NELL1: variants seen among roughly 807,000 people sequenced by gnomAD.
The protein encoded by NELL1 is protein kinase C-binding protein NELL1.
In NELL1, 76 loss-of-function variants were observed where a neutral mutation model predicts 107.4. That is an observed-to-expected ratio of 0.71 (90% CI 0.59 to 0.86). The LOEUF is 0.86. Ranked by LOEUF, NELL1 falls within the 40% of genes least tolerant of loss-of-function variation. The pLI is 0.00. For missense variants in NELL1, 1,024 were observed against 1,005.5 expected, an observed-to-expected ratio of 1.02 and a Z score of -0.25; for synonymous variants, 353 against 341.2, an observed-to-expected ratio of 1.03 and a Z score of -0.38.
At chr11:21,393,461 A>G (rs1257501920) in intron 15 of NELL1, among the ~76,000 whole-genome samples, 1 of 150,928 alleles carries the variant, frequency 6.6e-6, no homozygotes, top group Non-Finnish European at 1.5e-5. Flanking sequence ...CAGTAAAGCT[A>G]AAAAAAATTC....
intron 12 of NELL1, among the ~76,000 whole-genome samples, chr11:21,056,821 C>T (rs1008190108): frequency 6.6e-6 from 1 of 151,988 alleles, no homozygotes; most frequent in African/African-American, 2.4e-5. Context: ...GATTATCTAG[C>T]ACAGATAAGG....
At chr11:21,003,593 C>T (rs1051493637) in intron 12 of NELL1, among the ~76,000 whole-genome samples, 2 of 152,034 alleles carry the variant, frequency 1.3e-5, no homozygotes, top group South Asian at 4.1e-4. Flanking sequence ...GACCCTGTCT[C>T]CTTCTCTATA....
intron 15 of NELL1, among the ~76,000 whole-genome samples, chr11:21,373,590 TAC>T: frequency 6.6e-6 from 1 of 152,128 alleles, no homozygotes; most frequent in Non-Finnish European, 1.5e-5. Flanking sequence ...AAAATTCAAG[TAC>T]ACTTAGTAAA....
At chr11:20,760,252 A>C (rs1856390078) in intron 2 of NELL1, among the ~76,000 whole-genome samples, 1 of 152,204 alleles carries the variant, frequency 6.6e-6, no homozygotes, top group African/African-American at 2.4e-5. Context: ...TTTTTGCACC[A>C]TCAGTGAAAG....
intron 2 of NELL1, among the ~76,000 whole-genome samples, chr11:20,755,951 G>C (rs1828407152): frequency 6.8e-6 from 1 of 146,210 alleles, no homozygotes; most frequent in Non-Finnish European, 1.5e-5. Flanking sequence ...GGAGTGCAGT[G>C]GCGTGATCTC....
intron 10 of NELL1, among the ~76,000 whole-genome samples, chr11:20,939,776 G>C (rs11025821): frequency 0.061 from 9,219 of 152,184 alleles, 376 homozygotes; most frequent in East Asian, 0.2. Context: ...ACGAGATACT[G>C]GTGCAGGAAG....
intron 4 of NELL1, among the ~76,000 whole-genome samples, chr11:20,859,501 C>A (rs933785821): frequency 7.2e-5 from 11 of 152,160 alleles, no homozygotes; most frequent in Non-Finnish European, 1.5e-4. Flanking sequence ...CGACTGACTG[C>A]AAATGAGCCA....
At chr11:20,689,592 A>G (rs886447847) in intron 2 of NELL1, among the ~76,000 whole-genome samples, 54 of 148,844 alleles carry the variant, frequency 3.6e-4, no homozygotes, top group Non-Finnish European at 5.9e-4. Flanking sequence ...AATTGCATTC[A>G]TGTCCCCACA....
intron 14 of NELL1, among the ~76,000 whole-genome samples, chr11:21,257,836 CA>C (rs1372084347): frequency 6.6e-6 from 1 of 151,968 alleles, no homozygotes; most frequent in African/African-American, 2.4e-5. Flanking sequence ...TTATCCATGA[CA>C]GTGTCCACAA....
chr11:21,115,498 G>C (rs1855214376), intron 13 of NELL1, among the ~76,000 whole-genome samples: 1 of 151,998 alleles, frequency 6.6e-6, no homozygotes. Context: ...GGAGGACAGA[G>C]GGCTGGTGAA....
rs902282555 is a variant in NELL1 at position 20,825,257 on chromosome 11, A to G, written c.336-22326A>G. 2.6e-5 allele frequency among the ~76,000 whole-genome samples: 4 copies of G among 151,472 alleles called. 1 individual carries two copies. The highest frequency in any genetic ancestry group is 5.9e-5 in the Non-Finnish European group (4 of 67,654). ...CAGTACAGAAAGGAAATGTAGAGTC[A>G]GAGCCTCCACACACAATCCCCACTG... On this transcript the variant is annotated intron_variant, in intron 3 of 19. Transcript: ENST00000357134.
At chr11:21,507,420 A>G (rs745811818) in intron 15 of NELL1, among the ~76,000 whole-genome samples, 2 of 152,182 alleles carry the variant, frequency 1.3e-5, no homozygotes, top group Non-Finnish European at 2.9e-5. Context: ...GCCCCATGGA[A>G]AACAATCTTT....
intron 15 of NELL1, among the ~76,000 whole-genome samples, chr11:21,513,201 T>C (rs746011392): frequency 2.0e-5 from 3 of 152,178 alleles, no homozygotes; most frequent in Non-Finnish European, 2.9e-5. Flanking sequence ...TCCAGCACCA[T>C]TTTACTCAGT....
At chr11:21,252,331 G>A (rs1431889319) in intron 14 of NELL1, among the ~76,000 whole-genome samples, 1 of 151,980 alleles carries the variant, frequency 6.6e-6, no homozygotes, top group Non-Finnish European at 1.5e-5. Context: ...ATTGGTTTTG[G>A]GGGCAGGTAT....
At chr11:21,446,136 G>A (rs1246015934) in intron 15 of NELL1, among the ~76,000 whole-genome samples, 1 of 151,732 alleles carries the variant, frequency 6.6e-6, no homozygotes, top group Non-Finnish European at 1.5e-5. Context: ...AGACTCTGAT[G>A]CATTCTTCAG....
At chr11:20,776,186 C>T (rs1367700746) in intron 2 of NELL1, among the ~76,000 whole-genome samples, 1 of 152,098 alleles carries the variant, frequency 6.6e-6, no homozygotes, top group Non-Finnish European at 1.5e-5. Context: ...GCTTGTAATC[C>T]CGGCACTTTG....
intron 2 of NELL1, among the ~76,000 whole-genome samples, chr11:20,723,732 TG>T (rs35926954): frequency 0.012 from 1,780 of 150,668 alleles, 39 homozygotes; most frequent in African/African-American, 0.04. Context: ...GGGGACTCTG[TG>T]GGGGGGGGCT....
At chr11:20,754,293 A>G (rs1856209428) in intron 2 of NELL1, among the ~76,000 whole-genome samples, 2 of 152,216 alleles carry the variant, frequency 1.3e-5, no homozygotes, top group Non-Finnish European at 2.9e-5. Context: ...AAGACAGTTA[A>G]ATGTGAGCGT....
chr11:21,247,363 T>C (rs1791862), intron 14 of NELL1, among the ~76,000 whole-genome samples: 49,899 of 152,170 alleles, frequency 0.33, 9,770 homozygotes, highest in Non-Finnish European at 0.45. Context: ...AAAAAACACA[T>C]TGTACATCTC....
Sources: gnomAD v4.1 joint callset for allele counts (sites outside exome capture counted in the v4.1 genomes callset) on GRCh38, gnomAD v4.1.1 for gene constraint, MANE v1.5 for transcripts, NCBI Gene and HGNC (gene_info 2026-07-23, HGNC 2026-07-21) for gene names.